Variants in ADGRA2 observed in about 807,000 individuals in gnomAD.
The protein encoded by ADGRA2 is adhesion G protein-coupled receptor A2.
ADGRA2 carries 61 observed loss-of-function variants against 98.7 expected under a neutral mutation model. That is an observed-to-expected ratio of 0.62 (90% CI 0.50 to 0.76). ADGRA2 has a LOEUF of 0.76. ADGRA2 is among the 30% of genes least tolerant of loss of function. The pLI, the probability that ADGRA2 is intolerant of heterozygous loss-of-function variation, is 0.00. For synonymous variants in ADGRA2, 858 were observed against 831.5 expected (o/e 1.03, Z -0.55); for missense variants, 1,712 against 1,860.0 (o/e 0.92, Z 1.46).
At chr8:37,836,441 G>A (rs1300572264) in intron 13 of ADGRA2, among the ~76,000 whole-genome samples, 1 of 152,166 alleles carries the variant, frequency 6.6e-6, no homozygotes. Context: ...CATGAGCAGA[G>A]GTGTGGTGGG....
At position 37,802,448 on chromosome 8, in the gene ADGRA2, GA is replaced by G. The variant is rs1327627076; in HGVS notation, c.266+4917del. Among the ~76,000 whole-genome samples the G allele has an allele frequency of 6.6e-6, 1 of 152,140 alleles. No homozygotes were observed. The highest frequency in any genetic ancestry group is 1.5e-5 in the Non-Finnish European group (1 of 68,018). On this transcript the variant is annotated intron_variant, in intron 1 of 18. Coordinates refer to ENST00000412232, the MANE Select transcript of ADGRA2 (RefSeq NM_032777.10). The surrounding 1 kb of genome is among the most constrained non-coding windows in gnomAD (Gnocchi z 4.7). ...TTTTGTGAGAGAAGAGGGGGAGGGG[GA>G]AAGAGCAAAGAAAAAGAAGGAAAGA...
At position 37,841,292 on chromosome 8, in the gene ADGRA2, T is replaced by C; in HGVS notation, c.2954T>C (p.Leu985Pro). ...ACCAGGCTCAGGGGCAGCGGCCCCC[T>C]CCTGAGTGACTCAGGTTCCCTTCTT... Reference protein sequence around the residue: ...GSTRLRGSGPLLSDSGSLLAT... With the variant: ...GSTRLRGSGPPLSDSGSLLAT... Residue 985 changes from leucine (L) to proline (P), a missense_variant, in exon 19 of 19, where the codon CTC (leucine) becomes CCC (proline). By Grantham distance (98) the Leu-to-Pro change is moderately conservative. Coordinates refer to ENST00000412232, the MANE Select transcript of ADGRA2 (RefSeq NM_032777.10). The surrounding 1 kb of genome is among the most constrained non-coding windows in gnomAD (Gnocchi z 5.0). 1 of 1,610,230 alleles carries C rather than the reference T, an allele frequency of 6.2e-7. No individual in the cohort carries two copies. The highest frequency in any genetic ancestry group is 8.5e-7 in the Non-Finnish European group (1 of 1,178,272).
At position 37,830,610 on chromosome 8, in the gene ADGRA2, G is replaced by GCGGCCCC; in HGVS notation, c.719-99_719-98insGGCCCCC. 1.7e-6 allele frequency: 1 copy of GCGGCCCC among 579,886 alleles called. No homozygotes were observed. Among genetic ancestry groups the GCGGCCCC allele is most frequent in the Non-Finnish European group, 3.2e-6 (1 of 315,942 alleles). The allele number at this position is 579,886 out of a possible 1,614,324, so 35.9% of individuals were successfully genotyped here. On this transcript the variant is annotated intron_variant, in intron 6 of 18. Transcript: ENST00000412232. The surrounding 1 kb of genome is among the most constrained non-coding windows in gnomAD (Gnocchi z 4.8). ...AGCTGGAGCAGGCTGCAGGCCGAGG[G>GCGGCCCC]CCCCGCCCCGCCCCACCCCATCCTG... is the stretch of plus-strand genomic sequence containing the variant.
chr8:37,829,333 G>A lies in ADGRA2; in HGVS notation c.482+1G>A. On this transcript the variant is annotated splice_donor_variant, in intron 4 of 18. Coordinates refer to ENST00000412232, the MANE Select transcript of ADGRA2 (RefSeq NM_032777.10). LOFTEE classifies it high-confidence loss of function. ...AGGGCCTCCCCAGGCTTCTCCGACT[G>A]TAAGTGATGGGGTGAGAAGTGGGGA... 2 of 1,611,766 alleles carry A rather than the reference G, an allele frequency of 1.2e-6. No homozygotes were observed. The highest frequency in any genetic ancestry group is 2.2e-5 in the South Asian group (2 of 91,000).
At chr8:37,839,414 C>T (rs915531571) in intron 15 of ADGRA2, 85 bp from the exon 16 acceptor site, 8 of 1,569,414 alleles carry the variant, frequency 5.1e-6, no homozygotes, top group Non-Finnish European at 2.6e-6. Flanking sequence ...TGTGCCTGCC[C>T]CCCGTGGCTC....
intron 1 of ADGRA2, among the ~76,000 whole-genome samples, chr8:37,805,621 A>G (rs1318378581): frequency 1.3e-4 from 19 of 151,738 alleles, no homozygotes; most frequent in Non-Finnish European, 1.9e-4. Flanking sequence ...TGTAATTCCA[A>G]CACTTTGGGA....
Position 37,797,679 on chromosome 8 carries a change from G to T in ADGRA2, c.266+145G>T. ...GGCCTGGGTTCAGGCCCCCAGAGGGGAAGATTGGAGGAGCAGGGGAGAGAC... is the reference window on the plus strand; with the variant it reads ...GGCCTGGGTTCAGGCCCCCAGAGGGTAAGATTGGAGGAGCAGGGGAGAGAC... On this transcript the variant is annotated intron_variant, in intron 1 of 18. Transcript: ENST00000412232. This position sits in a 1 kb window ranked among gnomAD's most constrained non-coding sequence, Gnocchi z 5.3. The T allele has an allele frequency of 1.2e-6, 1 of 800,250 alleles. No homozygotes were observed. The highest frequency in any genetic ancestry group is 1.7e-6 in the Non-Finnish European group (1 of 583,616). 49.6% of individuals were successfully genotyped at this position (800,250 alleles called of 1,614,324 possible).
At chr8:37,811,364 G>C (rs1804827399) in intron 1 of ADGRA2, among the ~76,000 whole-genome samples, 1 of 148,820 alleles carries the variant, frequency 6.7e-6, no homozygotes, top group South Asian at 2.1e-4. Flanking sequence ...TAGAGATGGA[G>C]TTTCACCATG....
Position 37,814,419 on chromosome 8 carries a change from G to A in ADGRA2, c.267-477G>A, listed in dbSNP as rs1022800109. Among the ~76,000 whole-genome samples, 6 of 152,190 alleles carry A rather than the reference G, an allele frequency of 3.9e-5. No homozygotes were observed. Among genetic ancestry groups the A allele is most frequent in the Admixed American group, 1.3e-4 (2 of 15,286 alleles). ...CCTTCGCTCACAGGTGAGAGTGTGC[G>A]AGCCTCCGAGGAAGGGCAGCTCCCG... On this transcript the variant is annotated intron_variant, in intron 1 of 18. Coordinates refer to ENST00000412232, the MANE Select transcript of ADGRA2 (RefSeq NM_032777.10). This position sits in a 1 kb window ranked among gnomAD's most constrained non-coding sequence, Gnocchi z 4.3.
At chr8:37,800,760 C>T (rs1402906039) in intron 1 of ADGRA2, among the ~76,000 whole-genome samples, 1 of 152,170 alleles carries the variant, frequency 6.6e-6, no homozygotes, top group African/African-American at 2.4e-5. Context: ...AGCTGAGAGC[C>T]GCCCCACACA....
In ADGRA2 at chr8:37,841,071, C is replaced by T; in HGVS notation, c.2748-15C>T. The T allele has an allele frequency of 6.5e-7, 1 of 1,538,640 alleles. No homozygotes were observed. The stretch of plus-strand genomic sequence containing the variant: ...ATGCCCCCTGTCCTCATCACTGCTT[C>T]TGTGTCTCCTACAGCTGCTGGCTGG... On this transcript the variant is annotated splice_polypyrimidine_tract_variant and intron_variant, in intron 18 of 18. Coordinates refer to ENST00000412232, the MANE Select transcript of ADGRA2 (RefSeq NM_032777.10). The surrounding 1 kb of genome is among the most constrained non-coding windows in gnomAD (Gnocchi z 5.0).
Position 37,797,618 on chromosome 8 carries a change from A to G in ADGRA2, c.266+84A>G. ...GACGGGAGGGGTGGGAGCAGGGGGA[A>G]GGGGGCTATCCCCCCACTTCAGAGA... On this transcript the variant is annotated intron_variant, in intron 1 of 18. Coordinates refer to ENST00000412232, the MANE Select transcript of ADGRA2 (RefSeq NM_032777.10). The surrounding 1 kb of genome is among the most constrained non-coding windows in gnomAD (Gnocchi z 5.3). 1.2e-6 allele frequency: 1 copy of G among 818,536 alleles called. No homozygotes were observed. Among genetic ancestry groups the G allele is most frequent in the Non-Finnish European group, 1.6e-6 (1 of 616,578 alleles). 50.7% of individuals were successfully genotyped at this position (818,536 alleles called of 1,614,324 possible).
chr8:37,830,610 G>GGCC lies in ADGRA2; in HGVS notation c.719-100_719-99insGCC. 3 of 579,886 alleles carry GGCC rather than the reference G, an allele frequency of 5.2e-6. No homozygotes were observed. Among genetic ancestry groups the GGCC allele is most frequent in the Non-Finnish European group, 6.3e-6 (2 of 315,942 alleles). 35.9% of individuals were successfully genotyped at this position (579,886 alleles called of 1,614,324 possible). On this transcript the variant is annotated intron_variant, in intron 6 of 18. Transcript: ENST00000412232. The surrounding 1 kb of genome is among the most constrained non-coding windows in gnomAD (Gnocchi z 4.8). Reference sequence around the variant, plus strand: ...AGCTGGAGCAGGCTGCAGGCCGAGGGCCCCGCCCCGCCCCACCCCATCCTG... The same window carrying GGCC: ...AGCTGGAGCAGGCTGCAGGCCGAGGGGCCCCCCGCCCCGCCCCACCCCATCCTG...
chr8:37,830,691 C>G lies in ADGRA2; in HGVS notation c.719-19C>G. ...ATGCGTGTGCACTCGGGCCTCACGCCTGGTGTCTCCTCCCACAGAGGGGGC... is the reference window on the plus strand; with the variant it reads ...ATGCGTGTGCACTCGGGCCTCACGCGTGGTGTCTCCTCCCACAGAGGGGGC... On this transcript the variant is annotated intron_variant, in intron 6 of 18. Transcript: ENST00000412232. The surrounding 1 kb of genome is among the most constrained non-coding windows in gnomAD (Gnocchi z 4.8). The G allele has an allele frequency of 6.4e-7, 1 of 1,570,708 alleles. No homozygotes were observed. Among genetic ancestry groups the G allele is most frequent in the Admixed American group, 1.8e-5 (1 of 56,168 alleles).
intron 8 of ADGRA2, among the ~76,000 whole-genome samples, chr8:37,831,929 G>A (rs969862083): frequency 1.3e-5 from 2 of 152,086 alleles, no homozygotes; most frequent in African/African-American, 2.4e-5. Flanking sequence ...GCATGGTGGT[G>A]CGTGCCTGTA....
At chr8:37,831,672 C>A in intron 8 of ADGRA2, 85 bp downstream of exon 8, 1 of 1,207,502 alleles carries the variant, frequency 8.3e-7, no homozygotes, top group Non-Finnish European at 1.2e-6. Context: ...AGAGTTTCCC[C>A]ATCCGCTGTC....
intron 1 of ADGRA2, among the ~76,000 whole-genome samples, chr8:37,800,508 CGAG>C (rs779666971): frequency 3.3e-5 from 5 of 152,134 alleles, no homozygotes; most frequent in African/African-American, 4.8e-5. Flanking sequence ...GCCTTTATTT[CGAG>C]GAGAAGTTTT....
At position 37,814,724 on chromosome 8, in the gene ADGRA2, C is replaced by T. The variant is rs548727811; in HGVS notation, c.267-172C>T. On this transcript the variant is annotated intron_variant, in intron 1 of 18. Transcript: ENST00000412232. This position sits in a 1 kb window ranked among gnomAD's most constrained non-coding sequence, Gnocchi z 4.3. Reference sequence around the variant, plus strand: ...AGGTCTGACGTGGGGCTGGGTGGACCGTTGGCCAGCTTCTCCCTGTAATCT... The same window carrying T: ...AGGTCTGACGTGGGGCTGGGTGGACTGTTGGCCAGCTTCTCCCTGTAATCT... Among the ~76,000 whole-genome samples, 15 of 152,298 alleles carry T rather than the reference C, an allele frequency of 9.8e-5. No individual in the cohort carries two copies. The highest frequency in any genetic ancestry group is 2.9e-4 in the African/African-American group (12 of 41,576).
chr8:37,812,336 G>A (rs1446265320), intron 1 of ADGRA2, among the ~76,000 whole-genome samples: 1 of 152,034 alleles, frequency 6.6e-6, no homozygotes, highest in African/African-American at 2.4e-5. Context: ...TTTTAATATT[G>A]AGGATTTGTG....
Sources: gnomAD v4.1 joint callset for allele counts (sites outside exome capture counted in the v4.1 genomes callset) on GRCh38, gnomAD v4.1.1 for gene constraint, Gnocchi (gnomAD v3.1) non-coding constraint, MANE v1.5 for transcripts, NCBI Gene and HGNC (gene_info 2026-07-23, HGNC 2026-07-21) for gene names.